Variants in NDUFAF2 observed in about 807,000 individuals in gnomAD.
NDUFAF2 encodes NADH dehydrogenase [ubiquinone] 1 alpha subcomplex assembly factor 2.
In NDUFAF2, 13 loss-of-function variants were observed where a neutral mutation model predicts 22.8. The observed-to-expected ratio is 0.57, with a 90% confidence interval of 0.37 to 0.91. NDUFAF2 has a LOEUF of 0.91. NDUFAF2 is among the 40% of genes least tolerant of loss of function. The probability of loss-of-function intolerance (pLI) is 0.01; values close to 1 mark genes in which losing one functional copy is unlikely to be tolerated. For synonymous variants in NDUFAF2, 53 were observed against 64.2 expected (o/e 0.83, Z 0.84); for missense variants, 162 against 195.2 (o/e 0.83, Z 1.01).
intron 1 of NDUFAF2, among the ~76,000 whole-genome samples, chr5:60,966,701 G>T (rs1750762226): frequency 6.6e-6 from 1 of 151,974 alleles, no homozygotes; most frequent in Admixed American, 6.5e-5. Flanking sequence ...ATCCTATTCT[G>T]TCCCAGTGGT....
At chr5:60,973,484 G>A (rs1212484480) in intron 1 of NDUFAF2, among the ~76,000 whole-genome samples, 2 of 152,080 alleles carry the variant, frequency 1.3e-5, no homozygotes, top group African/African-American at 2.4e-5. Context: ...CAATCACAAA[G>A]ATTCAAGGCT....
At chr5:61,010,504 T>C (rs1751430065) in intron 1 of NDUFAF2, among the ~76,000 whole-genome samples, 1 of 152,082 alleles carries the variant, frequency 6.6e-6, no homozygotes, top group Non-Finnish European at 1.5e-5. Context: ...TAACCTCTCA[T>C]CCTTTATCTC....
intron 1 of NDUFAF2, among the ~76,000 whole-genome samples, chr5:60,972,453 C>T (rs1318145858): frequency 6.6e-6 from 1 of 152,066 alleles, no homozygotes; most frequent in Non-Finnish European, 1.5e-5. Flanking sequence ...GGGACTTCCC[C>T]CTCTTCACTC....
chr5:61,018,674 A>G (rs1429511797), intron 1 of NDUFAF2, among the ~76,000 whole-genome samples: 5 of 152,084 alleles, frequency 3.3e-5, no homozygotes, highest in Admixed American at 1.3e-4. Flanking sequence ...TTTATAATAA[A>G]ATGTAGTTTG....
intron 1 of NDUFAF2, among the ~76,000 whole-genome samples, chr5:60,970,678 C>T (rs531379672): frequency 2.6e-4 from 39 of 152,230 alleles, no homozygotes; most frequent in Admixed American, 4.6e-4. Context: ...AATTTGGATG[C>T]CCTTTCTTTC....
intron 3 of NDUFAF2, among the ~76,000 whole-genome samples, chr5:61,119,296 T>G (rs1752949559): frequency 6.6e-6 from 1 of 152,208 alleles, no homozygotes; most frequent in Non-Finnish European, 1.5e-5. Context: ...GCTAACAATT[T>G]CTTTGCATGT....
rs1040859229 is a variant in NDUFAF2 at position 61,107,092 on chromosome 5, T to C, written c.258+8060T>C. ...ACACACACACACACACACACACACA[T>C]ATATGCCTAGCAGTAGAATTGCTAG... On this transcript the variant is annotated intron_variant, in intron 3 of 3. Transcript: ENST00000296597. Among the ~76,000 whole-genome samples the C allele has an allele frequency of 2.6e-3, 131 of 49,446 alleles. 1 individual carries two copies. Among genetic ancestry groups the C allele is most frequent in the East Asian group, 4.5e-3 (4 of 882 alleles). The allele number at this position is 49,446 out of a possible 152,430, so 32.4% of individuals were successfully genotyped here. A position where few individuals can be genotyped will look rare whatever the true frequency, so the allele number is the denominator to read the frequency against.
At chr5:61,003,874 C>T (rs1751330915) in intron 1 of NDUFAF2, among the ~76,000 whole-genome samples, 3 of 151,732 alleles carry the variant, frequency 2.0e-5, no homozygotes, top group Non-Finnish European at 1.5e-5. Context: ...ACTCTGTTGC[C>T]CAGGTTGGTC....
chr5:61,083,260 A>G (rs908417209), intron 2 of NDUFAF2: 1 of 151,000 alleles, frequency 6.6e-6, no homozygotes, highest in Non-Finnish European at 1.5e-5. Flanking sequence ...CAGATTCTGG[A>G]TATTATACTT....
intron 1 of NDUFAF2, among the ~76,000 whole-genome samples, chr5:61,049,799 TG>T (rs1751999565): frequency 6.6e-6 from 1 of 151,950 alleles, no homozygotes; most frequent in East Asian, 1.9e-4. Flanking sequence ...TTTCATTGTA[TG>T]TGTATGTGTG....
chr5:61,005,461 G>C (rs1325319525), intron 1 of NDUFAF2, among the ~76,000 whole-genome samples: 16 of 152,310 alleles, frequency 1.1e-4, no homozygotes. Context: ...CCAGTAATGG[G>C]ATGGCTGGGT....
At chr5:61,040,711 C>T (rs1751870594) in intron 1 of NDUFAF2, among the ~76,000 whole-genome samples, 1 of 152,040 alleles carries the variant, frequency 6.6e-6, no homozygotes, top group Non-Finnish European at 1.5e-5. Flanking sequence ...TTTTAAGATT[C>T]ACAAATATAT....
chr5:61,062,698 A>G (rs140689303), intron 1 of NDUFAF2, among the ~76,000 whole-genome samples: 1,705 of 152,282 alleles, frequency 0.011, 16 homozygotes, highest in South Asian at 0.032. Context: ...ATCCAGATCC[A>G]TGAAGCTCAG....
chr5:61,007,865 C>T (rs563970666), intron 1 of NDUFAF2, among the ~76,000 whole-genome samples: 45 of 152,078 alleles, frequency 3.0e-4, no homozygotes, highest in African/African-American at 5.1e-4. Flanking sequence ...ATGTTTATTG[C>T]GGCACTATTC....
intron 1 of NDUFAF2, among the ~76,000 whole-genome samples, chr5:61,035,063 A>T (rs1751779986): frequency 6.8e-6 from 1 of 147,288 alleles, no homozygotes; most frequent in Non-Finnish European, 1.5e-5. Context: ...GCTTGAGAAG[A>T]TAGTGTATTT....
At chr5:60,990,590 A>G (rs1035631906) in intron 1 of NDUFAF2, among the ~76,000 whole-genome samples, 6 of 152,100 alleles carry the variant, frequency 3.9e-5, no homozygotes, top group Admixed American at 1.3e-4. Flanking sequence ...GGCTCAAGTA[A>G]TCCTCCTGCC....
At chr5:61,040,286 A>ACACACACACGCGCGCG (rs1491193758) in intron 1 of NDUFAF2, among the ~76,000 whole-genome samples, 26 of 93,066 alleles carry the variant, frequency 2.8e-4, no homozygotes, top group Admixed American at 4.1e-4. Context: ...ACACACACAC[A>ACACACACACGCGCGCG]CGCGCGCGCG....
chr5:61,002,838 G>A (rs1413831971), intron 1 of NDUFAF2, among the ~76,000 whole-genome samples: 1 of 152,052 alleles, frequency 6.6e-6, no homozygotes, highest in African/African-American at 2.4e-5. Flanking sequence ...GGCATTCGGA[G>A]GAATGTTTTA....
intron 1 of NDUFAF2, among the ~76,000 whole-genome samples, chr5:60,955,622 T>G (rs1750605555): frequency 6.6e-6 from 1 of 152,214 alleles, no homozygotes; most frequent in African/African-American, 2.4e-5. Context: ...ATTGGAGTTT[T>G]GTTAGAGATT....
Sources: allele counts gnomAD v4.1 joint callset (sites outside exome capture counted in the v4.1 genomes callset), GRCh38; gene constraint gnomAD v4.1.1; transcripts MANE v1.5; gene names NCBI Gene and HGNC (gene_info 2026-07-23, HGNC 2026-07-21).